The following COL19A1 variants were observed in gnomAD, a reference collection of about 807,000 sequenced individuals.
COL19A1 encodes collagen alpha-1(XIX) chain.
In COL19A1, 159 loss-of-function variants were observed where a neutral mutation model predicts 190.2. The ratio of observed to expected loss-of-function variants is 0.84; its 90% CI spans 0.73 to 0.95. COL19A1 has a LOEUF of 0.95. COL19A1 is among the 40% of genes least tolerant of loss of function. The probability of loss-of-function intolerance (pLI) is 0.00; values close to 1 mark genes in which losing one functional copy is unlikely to be tolerated. For synonymous variants in COL19A1, 509 were observed against 458.9 expected (o/e 1.11, Z -1.39); for missense variants, 1,418 against 1,431.9 (o/e 0.99, Z 0.16).
chr6:70,199,599 T>A lies in COL19A1; in HGVS notation c.3095-9T>A. On this transcript the variant is annotated splice_polypyrimidine_tract_variant and intron_variant, in intron 48 of 50. Coordinates refer to ENST00000620364, the MANE Select transcript of COL19A1 (RefSeq NM_001858.6). ...CTATGATATATTATTTTTTCTTCTATACATGAAGAGAGGATGGCTGTATTC... is the reference window on the plus strand; with the variant it reads ...CTATGATATATTATTTTTTCTTCTAAACATGAAGAGAGGATGGCTGTATTC... 6.5e-7 allele frequency: 1 copy of A among 1,535,992 alleles called. No individual in the cohort carries two copies. Among genetic ancestry groups the A allele is most frequent in the African/African-American group, 1.4e-5 (1 of 72,504 alleles).
chr6:70,099,891 C>G (rs1783517673), intron 15 of COL19A1, among the ~76,000 whole-genome samples: 1 of 152,178 alleles, frequency 6.6e-6, no homozygotes, highest in African/African-American at 2.4e-5. Flanking sequence ...CTGACAATGG[C>G]AAGGCTGGCT....
chr6:70,135,897 T>C (rs1292545253), intron 18 of COL19A1, among the ~76,000 whole-genome samples: 1 of 152,162 alleles, frequency 6.6e-6, no homozygotes. Flanking sequence ...CCCGGTCTTC[T>C]TGGTTCCACC....
chr6:70,055,781 T>TAAAAAAAA (rs55871207), intron 14 of COL19A1, among the ~76,000 whole-genome samples: 117 of 117,394 alleles, frequency 1.0e-3, no homozygotes, highest in African/African-American at 3.9e-3. Flanking sequence ...AACTCTGTAT[T>TAAAAAAAA]AAAAAAAAAA....
intron 31 of COL19A1, among the ~76,000 whole-genome samples, chr6:70,155,245 A>AGT (rs1240882071): frequency 6.6e-6 from 1 of 152,152 alleles, no homozygotes; most frequent in Non-Finnish European, 1.5e-5. Context: ...TCATGTTTAA[A>AGT]GATTCTTCCC....
intron 11 of COL19A1, among the ~76,000 whole-genome samples, chr6:69,990,951 G>C (rs2150073988): frequency 6.6e-6 from 1 of 152,064 alleles, no homozygotes; most frequent in Admixed American, 6.6e-5. Flanking sequence ...TGAGTAAATT[G>C]TGTGTCACAG....
At position 70,142,836 on chromosome 6, in the gene COL19A1, T is replaced by C. The variant is rs758999053; in HGVS notation, c.1626+16T>C. 1 of 1,604,918 alleles carries C rather than the reference T, an allele frequency of 6.2e-7. No homozygotes were observed. Among genetic ancestry groups the C allele is most frequent in the East Asian group, 2.2e-5 (1 of 44,730 alleles). On this transcript the variant is annotated intron_variant, in intron 23 of 50. Transcript: ENST00000620364. ...AGGAGATGTTGTATGTATAATGTCT[T>C]TGATATTTCTGGAATTGAAATTGAG... is the stretch of plus-strand genomic sequence containing the variant.
chr6:70,087,470 G>A (rs1368203032), intron 15 of COL19A1, among the ~76,000 whole-genome samples: 2 of 152,094 alleles, frequency 1.3e-5, no homozygotes, highest in African/African-American at 4.8e-5. Flanking sequence ...AACTTTAGGA[G>A]GTCGGTATGG....
chr6:70,112,553 A>G (rs1050380414), intron 16 of COL19A1, among the ~76,000 whole-genome samples: 8 of 152,138 alleles, frequency 5.3e-5, no homozygotes, highest in South Asian at 2.1e-4. Flanking sequence ...CACTCTATCA[A>G]TAAGGCAGTG....
intron 4 of COL19A1, among the ~76,000 whole-genome samples, chr6:69,908,319 T>C (rs1198588723): frequency 1.9e-4 from 29 of 152,310 alleles, no homozygotes; most frequent in Admixed American, 1.4e-3. Flanking sequence ...TGGGTTTTCA[T>C]TTGGGGCATT....
chr6:69,938,414 C>T (rs539278648), intron 9 of COL19A1, among the ~76,000 whole-genome samples: 1 of 152,180 alleles, frequency 6.6e-6, no homozygotes, highest in East Asian at 1.9e-4. Flanking sequence ...TTAGCATTCC[C>T]TTCCCCAAAT....
chr6:70,023,476 C>A, intron 11 of COL19A1, 151 bp from the exon 12 acceptor site: 1 of 614,790 alleles, frequency 1.6e-6, no homozygotes, highest in East Asian at 3.0e-5. Context: ...TTTGGTTTTA[C>A]GACTCAGGAT....
At chr6:69,993,641 A>G (rs1429149018) in intron 11 of COL19A1, among the ~76,000 whole-genome samples, 1 of 151,962 alleles carries the variant, frequency 6.6e-6, no homozygotes, top group Non-Finnish European at 1.5e-5. Flanking sequence ...AGAACTCATT[A>G]TTGGTCTGTT....
At chr6:69,974,525 C>T (rs1775602267) in intron 11 of COL19A1, among the ~76,000 whole-genome samples, 1 of 152,166 alleles carries the variant, frequency 6.6e-6, no homozygotes, top group African/African-American at 2.4e-5. Flanking sequence ...ACCCAGTAAT[C>T]ACAGAGCGAA....
At chr6:70,137,309 G>C (rs758536950) in intron 18 of COL19A1, among the ~76,000 whole-genome samples, 1 of 152,014 alleles carries the variant, frequency 6.6e-6, no homozygotes, top group Non-Finnish European at 1.5e-5. Context: ...CTGGATTATT[G>C]TGCCAGTTAA....
intron 18 of COL19A1, among the ~76,000 whole-genome samples, chr6:70,133,893 C>T (rs911973744): frequency 3.9e-5 from 6 of 152,148 alleles, no homozygotes; most frequent in African/African-American, 1.4e-4. Context: ...TGTCATCCAA[C>T]GACTATGTGG....
chr6:70,191,436 C>T (rs1257946715), intron 48 of COL19A1, among the ~76,000 whole-genome samples: 2 of 152,062 alleles, frequency 1.3e-5, no homozygotes, highest in Non-Finnish European at 2.9e-5. Context: ...GGTTGGCTGA[C>T]CCTATAACTT....
chr6:70,133,791 A>T, intron 18 of COL19A1, among the ~76,000 whole-genome samples: 1 of 152,194 alleles, frequency 6.6e-6, no homozygotes, highest in East Asian at 1.9e-4. Context: ...TAAAAAATAC[A>T]AACCCATATG....
At chr6:69,924,664 C>G (rs943866894) in intron 4 of COL19A1, among the ~76,000 whole-genome samples, 2 of 152,170 alleles carry the variant, frequency 1.3e-5, no homozygotes, top group African/African-American at 4.8e-5. Context: ...TCGCCACACT[C>G]TCTTCCACAA....
chr6:70,057,540 G>A lies in COL19A1; in HGVS notation c.1171-10883G>A, dbSNP rs140905172. Among the ~76,000 whole-genome samples the A allele has an allele frequency of 3.9e-3, 597 of 152,110 alleles. 7 individuals are homozygous for A. Among genetic ancestry groups the A allele is most frequent in the African/African-American group, 0.013 (552 of 41,538 alleles). On this transcript the variant is annotated intron_variant, in intron 14 of 50. Coordinates refer to ENST00000620364, the MANE Select transcript of COL19A1 (RefSeq NM_001858.6). ...ATGATATAAGCATTTTAAATAACTT[G>A]ATTGTTTCTATTTTTAGTAGTTAAT... is the stretch of plus-strand genomic sequence containing the variant.
Sources: allele counts gnomAD v4.1 joint callset (sites outside exome capture counted in the v4.1 genomes callset), GRCh38; gene constraint gnomAD v4.1.1; transcripts MANE v1.5; gene names NCBI Gene and HGNC (gene_info 2026-07-23, HGNC 2026-07-21).